Variants in KCNV1 observed in about 807,000 individuals in gnomAD.
KCNV1 encodes potassium voltage-gated channel subfamily V member 1.
A neutral mutation model predicts 36.4 loss-of-function variants in KCNV1; 2 were observed. That is an observed-to-expected ratio of 0.05 (90% CI 0.02 to 0.17). The LOEUF (loss-of-function observed/expected upper bound fraction) is 0.17. Among genes scored for constraint, KCNV1 ranks in the 10% least tolerant of loss-of-function variants. The pLI is 1.00. For synonymous variants in KCNV1, 280 were observed against 261.1 expected (o/e 1.07, Z -0.70); for missense variants, 321 against 643.6 (o/e 0.50, Z 5.42).
At position 109,975,192 on chromosome 8, in the gene KCNV1, C is replaced by G. The variant is rs893573119; in HGVS notation, c.-804G>C. On this transcript the variant is annotated splice_region_variant and 5_prime_UTR_variant, in exon 2 of 4. Coordinates refer to ENST00000524391, the MANE Select transcript of KCNV1 (RefSeq NM_014379.4). The stretch of plus-strand genomic sequence containing the variant: ...CGCCGTCTCCCTTAGGTTCTGACCT[C>G]CTGGTTGAGAAACAAGAATAATTAA... The G allele has an allele frequency of 4.6e-5, 7 of 152,132 alleles. No homozygotes were observed. The highest frequency in any genetic ancestry group is 1.7e-4 in the African/African-American group (7 of 41,416). 9.4% of individuals were successfully genotyped at this position (152,132 alleles called of 1,614,324 possible).
chr8:109,969,038 C>T (rs934645530), intron 3 of KCNV1, among the ~76,000 whole-genome samples: 7 of 152,098 alleles, frequency 4.6e-5, no homozygotes, highest in Admixed American at 3.9e-4. Flanking sequence ...GTTTCAAATG[C>T]CAGTTTTATG....
In KCNV1 at chr8:109,970,253, A is replaced by C. The variant is rs541633674; in HGVS notation, c.992-1654T>G. 2.0e-5 allele frequency among the ~76,000 whole-genome samples: 3 copies of C among 152,332 alleles called. No homozygotes were observed. The South Asian group carries it at 6.2e-4, about 32-fold the overall frequency. ...TTACTTTTATAAAAAACTGGCCTTG[A>C]TGTGTCTACATGGAATTATGTTCCT... On this transcript the variant is annotated intron_variant, in intron 3 of 3. Coordinates refer to ENST00000524391, the MANE Select transcript of KCNV1 (RefSeq NM_014379.4).
Position 109,974,750 on chromosome 8 carries a change from T to G in KCNV1, c.-362A>C. ...GTCACCCCGCCTCCCAACTTCGCAA[T>G]TGCGATTCCCAGCCCAGGAGGTGTA... On this transcript the variant is annotated 5_prime_UTR_variant, in exon 2 of 4. Coordinates refer to ENST00000524391, the MANE Select transcript of KCNV1 (RefSeq NM_014379.4). The surrounding 1 kb of genome is among the most constrained non-coding windows in gnomAD (Gnocchi z 6.2). 6.7e-6 allele frequency: 2 copies of G among 297,116 alleles called. No individual in the cohort carries two copies. The highest frequency in any genetic ancestry group is 1.3e-5 in the Non-Finnish European group (2 of 159,008). The allele number at this position is 297,116 out of a possible 1,614,324, so 18.4% of individuals were successfully genotyped here. A position where few individuals can be genotyped will look rare whatever the true frequency, so the allele number is the denominator to read the frequency against.
Position 109,974,555 on chromosome 8 carries a change from C to A in KCNV1, c.-167G>T. 3.3e-6 allele frequency: 2 copies of A among 598,512 alleles called. No individual in the cohort carries two copies. Among genetic ancestry groups the A allele is most frequent in the Non-Finnish European group, 5.9e-6 (2 of 340,254 alleles). The allele number at this position is 598,512 out of a possible 1,614,324, so 37.1% of individuals were successfully genotyped here. The stretch of plus-strand genomic sequence containing the variant: ...ACCCTCTCCACCCGCTGTGCGCCTT[C>A]CTCCTCCTGCCGCTAGGGAGCCGGG... On this transcript the variant is annotated 5_prime_UTR_variant, in exon 2 of 4. Transcript: ENST00000524391. The surrounding 1 kb of genome is among the most constrained non-coding windows in gnomAD (Gnocchi z 6.2).
Position 109,968,383 on chromosome 8 carries a change from G to A in KCNV1, c.1208C>T (p.Thr403Ile), listed in dbSNP as rs747595000. Residue 403 changes from threonine (T) to isoleucine (I), a missense_variant, in exon 4 of 4, where the codon ACC (threonine) becomes ATC (isoleucine). By Grantham distance (89) the Thr-to-Ile change is moderately conservative (BLOSUM62 -1). Transcript: ENST00000524391. This position sits in a 1 kb window ranked among gnomAD's most constrained non-coding sequence, Gnocchi z 5.3. ...CATGAAGGCCACGATTTTGCCTGTG[G>A]TGGTGTCTGGTCTAATGTCCCCATA... ...VGYGDIRPDTTTGKIVAFMCI... is the reference protein window; with the variant it reads ...VGYGDIRPDTITGKIVAFMCI... 6 of 1,614,192 alleles carry A rather than the reference G, an allele frequency of 3.7e-6. No homozygotes were observed. The highest frequency in any genetic ancestry group is 3.3e-5 in the Admixed American group (2 of 60,028).
rs770046214 is a variant in KCNV1 at position 109,972,821 on chromosome 8, C to T, written c.462-34G>A. 4.0e-6 allele frequency: 6 copies of T among 1,496,668 alleles called. No homozygotes were observed. The highest frequency in any genetic ancestry group is 2.0e-4 in the Middle Eastern group (1 of 4,956). The allele number at this position is 1,496,668 out of a possible 1,614,324, so 92.7% of individuals were successfully genotyped here. A position where few individuals can be genotyped will look rare whatever the true frequency, so the allele number is the denominator to read the frequency against. ...GAAAACAATTTGGTGATTAGTCTAA[C>T]TTTATTAAAATACAGAAGTATAAGA... On this transcript the variant is annotated intron_variant, in intron 2 of 3. Transcript: ENST00000524391. This position sits in a 1 kb window ranked among gnomAD's most constrained non-coding sequence, Gnocchi z 5.2.
rs142773024 is a variant in KCNV1 at position 109,967,478 on chromosome 8, A to G, written c.*610T>C. The G allele has an allele frequency of 6.6e-6, 1 of 152,496 alleles. No individual in the cohort carries two copies. 9.4% of individuals were successfully genotyped at this position (152,496 alleles called of 1,614,324 possible). On this transcript the variant is annotated 3_prime_UTR_variant, in exon 4 of 4. Coordinates refer to ENST00000524391, the MANE Select transcript of KCNV1 (RefSeq NM_014379.4). ...AGCAGTTTTGGGATTCCCACCTCTT[A>G]TAGTAATAATGGGATACAGAGATCA...
intron 3 of KCNV1, among the ~76,000 whole-genome samples, chr8:109,969,266 G>C (rs1323362867): frequency 6.6e-6 from 1 of 152,104 alleles, no homozygotes; most frequent in African/African-American, 2.4e-5. Flanking sequence ...GAGGAGGTCT[G>C]AACTCCCAAG....
At chr8:109,973,791 AGCCCAGAAGTGGC>A in intron 2 of KCNV1, 124 bp downstream of exon 2, 1 of 143,684 alleles carries the variant, frequency 7.0e-6, no homozygotes, top group Non-Finnish European at 1.2e-5. Flanking sequence ...CCCACCTGTC[AGCCCAGAAGTGGC>A]CACACCTTAT....
chr8:109,971,150 G>T (rs1820006009), intron 3 of KCNV1, among the ~76,000 whole-genome samples: 1 of 152,172 alleles, frequency 6.6e-6, no homozygotes, highest in Admixed American at 6.5e-5. Flanking sequence ...TAGCCAATTT[G>T]TTTGTGCTAA....
Position 109,974,364 on chromosome 8 carries a change from G to T in KCNV1, c.25C>A (p.Leu9Met). 1 of 1,508,280 alleles carries T rather than the reference G, an allele frequency of 6.6e-7. No homozygotes were observed. Among genetic ancestry groups the T allele is most frequent in the East Asian group, 2.5e-5 (1 of 40,640 alleles). The allele number at this position is 1,508,280 out of a possible 1,614,324, so 93.4% of individuals were successfully genotyped here. A position where few individuals can be genotyped will look rare whatever the true frequency, so the allele number is the denominator to read the frequency against. MPSSGRAL[L>M]DSPLDSGSLT... ...GAGCCGCTGTCCAGCGGCGAGTCCA[G>T]CAGCGCTCTGCCGCTGGAAGGCATC... The change falls in exon 2 of 4, where the codon CTG (leucine) becomes ATG (methionine). Residue 9 changes from leucine to methionine, a missense_variant. Transcript: ENST00000524391. The surrounding 1 kb of genome is among the most constrained non-coding windows in gnomAD (Gnocchi z 6.2).
Position 109,966,470 on chromosome 8 carries a change from C to G in KCNV1, c.*1618G>C, listed in dbSNP as rs886844657. ...AAGTACTTTAGCACACAATCTAAAACTCATGCCATCAGTGAAAATGTTTTC... is the reference window on the plus strand; with the variant it reads ...AAGTACTTTAGCACACAATCTAAAAGTCATGCCATCAGTGAAAATGTTTTC... On this transcript the variant is annotated 3_prime_UTR_variant, in exon 4 of 4. Coordinates refer to ENST00000524391, the MANE Select transcript of KCNV1 (RefSeq NM_014379.4). 4 of 152,308 alleles carry G rather than the reference C, an allele frequency of 2.6e-5. No homozygotes were observed. The East Asian group carries it at 7.7e-4, about 29-fold the overall frequency. 9.4% of individuals were successfully genotyped at this position (152,308 alleles called of 1,614,324 possible). A position where few individuals can be genotyped will look rare whatever the true frequency, so the allele number is the denominator to read the frequency against.
chr8:109,974,476 C>T lies in KCNV1; in HGVS notation c.-88G>A. 1.0e-6 allele frequency: 1 copy of T among 975,770 alleles called. No individual in the cohort carries two copies. The highest frequency in any genetic ancestry group is 1.5e-6 in the Non-Finnish European group (1 of 681,298). 60.4% of individuals were successfully genotyped at this position (975,770 alleles called of 1,614,324 possible). A position where few individuals can be genotyped will look rare whatever the true frequency, so the allele number is the denominator to read the frequency against. On this transcript the variant is annotated 5_prime_UTR_variant, in exon 2 of 4. Transcript: ENST00000524391. This position sits in a 1 kb window ranked among gnomAD's most constrained non-coding sequence, Gnocchi z 6.2. ...TCCCGCGAGGGCGGTGGCACGGCCCCTGGTGGCGGCCGGGATTCCCCGGGC... is the reference window on the plus strand; with the variant it reads ...TCCCGCGAGGGCGGTGGCACGGCCCTTGGTGGCGGCCGGGATTCCCCGGGC...
Position 109,967,875 on chromosome 8 carries a change from T to C in KCNV1, c.*213A>G, listed in dbSNP as rs948525564. ...GCCCAGTTGTATTTGGTTGTGTTAA[T>C]TGGCTATTTTGGACACTCAAATGTG... is the stretch of plus-strand genomic sequence containing the variant. On this transcript the variant is annotated 3_prime_UTR_variant, in exon 4 of 4. Transcript: ENST00000524391. 3 of 484,330 alleles carry C rather than the reference T, an allele frequency of 6.2e-6. No individual in the cohort carries two copies. Among genetic ancestry groups the C allele is most frequent in the South Asian group, 4.1e-5 (1 of 24,346 alleles). 30.0% of individuals were successfully genotyped at this position (484,330 alleles called of 1,614,324 possible). A position where few individuals can be genotyped will look rare whatever the true frequency, so the allele number is the denominator to read the frequency against.
Position 109,972,742 on chromosome 8 carries a change from C to A in KCNV1, c.507G>T (p.Lys169Asn). Residue 169 changes from lysine to asparagine, a missense_variant, in exon 3 of 4, where the codon AAG (lysine) becomes AAT (asparagine). By Grantham distance (94) the Lys-to-Asn change is moderately conservative (BLOSUM62 0). Coordinates refer to ENST00000524391, the MANE Select transcript of KCNV1 (RefSeq NM_014379.4). This position sits in a 1 kb window ranked among gnomAD's most constrained non-coding sequence, Gnocchi z 5.2. ...KELSETLDFKKDTEDQESQHE... is the reference protein window; with the variant it reads ...KELSETLDFKNDTEDQESQHE... ...GTTGACTTTCCTGGTCTTCTGTGTC[C>A]TTCTTGAAGTCTAAAGTTTCACTCA... The A allele has an allele frequency of 1.9e-6, 3 of 1,613,028 alleles. No homozygotes were observed. Among genetic ancestry groups the A allele is most frequent in the Non-Finnish European group, 2.5e-6 (3 of 1,179,682 alleles).
Position 109,968,305 on chromosome 8 carries a change from TC to T in KCNV1, c.1285del (p.Asp429IlefsTer10). 1 of 1,614,078 alleles carries T rather than the reference TC, an allele frequency of 6.2e-7. No individual in the cohort carries two copies. Among genetic ancestry groups the T allele is most frequent in the Non-Finnish European group, 8.5e-7 (1 of 1,180,006 alleles). On this transcript the variant is annotated frameshift_variant, in exon 4 of 4. Transcript: ENST00000524391. LOFTEE classifies it high-confidence loss of function. This position sits in a 1 kb window ranked among gnomAD's most constrained non-coding sequence, Gnocchi z 5.3. ...VLALPIAIIN[D>X]RFSACYFTLK... ...GGTGAAGTAGCAAGCAGAGAAGCGA[TC>T]GTTAATAATAGCAATAGGCAAGGCC...
intron 3 of KCNV1, among the ~76,000 whole-genome samples, chr8:109,971,901 A>C (rs1222498171): frequency 6.6e-6 from 1 of 152,150 alleles, no homozygotes; most frequent in Non-Finnish European, 1.5e-5. Context: ...ATTTATGTGT[A>C]TCTTTTTATG....
rs1376444887 is a variant in KCNV1 at position 109,974,008 on chromosome 8, C to T, written c.381G>A (p.Gln127=). 1 of 1,613,506 alleles carries T rather than the reference C, an allele frequency of 6.2e-7. No homozygotes were observed. The highest frequency in any genetic ancestry group is 1.1e-5 in the South Asian group (1 of 91,036). Residue 127 remains glutamine, a synonymous_variant, in exon 2 of 4, where the codon CAG becomes CAA. Coordinates refer to ENST00000524391, the MANE Select transcript of KCNV1 (RefSeq NM_014379.4). This position sits in a 1 kb window ranked among gnomAD's most constrained non-coding sequence, Gnocchi z 6.2. ...YRTGRLHVME[Q]LCALSFLQEI... ...CCTGCAGGAAGGAGAGCGCGCACAG[C>T]TGCTCCATGACATGCAGGCGGCCGG...
In KCNV1 at chr8:109,965,763, T is replaced by C. The variant is rs979659096; in HGVS notation, c.*2325A>G. 9.2e-5 allele frequency: 14 copies of C among 152,214 alleles called. No individual in the cohort carries two copies. Among genetic ancestry groups the C allele is most frequent in the Non-Finnish European group, 1.8e-4 (12 of 68,036 alleles). 9.4% of individuals were successfully genotyped at this position (152,214 alleles called of 1,614,324 possible). A position where few individuals can be genotyped will look rare whatever the true frequency, so the allele number is the denominator to read the frequency against. On this transcript the variant is annotated 3_prime_UTR_variant, in exon 4 of 4. Transcript: ENST00000524391. ...AGCTGATATTTTACTTAAGGCATAT[T>C]GAACTTCTCCATGCACAAGAAGTTG...
Sources: allele counts gnomAD v4.1 joint callset (sites outside exome capture counted in the v4.1 genomes callset), GRCh38; gene constraint gnomAD v4.1.1; non-coding constraint Gnocchi (gnomAD v3.1); transcripts MANE v1.5; gene names NCBI Gene and HGNC (gene_info 2026-07-23, HGNC 2026-07-21).